The following APLF variants were observed in gnomAD, a reference collection of about 807,000 sequenced individuals.
The protein encoded by APLF is aprataxin and PNK-like factor.
In APLF, 61 loss-of-function variants were observed where a neutral mutation model predicts 55.6. That is an observed-to-expected ratio of 1.10 (90% confidence interval 0.89 to 1.36). APLF has a LOEUF of 1.36. Ranked by LOEUF, APLF falls within the 40% of genes most tolerant of loss-of-function variation. The probability of loss-of-function intolerance (pLI) is 0.00; values close to 1 mark genes in which losing one functional copy is unlikely to be tolerated. For missense variants in APLF, 611 were observed against 602.5 expected (o/e 1.01, Z -0.15); for synonymous variants, 207 against 214.8 (o/e 0.96, Z 0.32).
chr2:68,511,216 A>G (rs1677040010), intron 3 of APLF, among the ~76,000 whole-genome samples: 1 of 151,786 alleles, frequency 6.6e-6, no homozygotes, highest in Admixed American at 6.6e-5. Flanking sequence ...GGATAACTCA[A>G]TTACCTTTAC....
At chr2:68,479,926 C>T in intron 1 of APLF, among the ~76,000 whole-genome samples, 1 of 152,132 alleles carries the variant, frequency 6.6e-6, no homozygotes, top group East Asian at 1.9e-4. Context: ...TATGATGATC[C>T]ACTTCCATTT....
intron 5 of APLF, among the ~76,000 whole-genome samples, chr2:68,519,241 A>G: frequency 7.2e-6 from 1 of 139,750 alleles, no homozygotes; most frequent in South Asian, 2.1e-4. Context: ...TATATTATAT[A>G]TTATATATCA....
intron 8 of APLF, among the ~76,000 whole-genome samples, chr2:68,547,486 T>C (rs1670739606): frequency 6.6e-6 from 1 of 151,724 alleles, no homozygotes; most frequent in Admixed American, 6.6e-5. Flanking sequence ...TAAAGCAGTG[T>C]GGTATGGGCA....
rs377751152 is a variant in APLF, at chr2:68,502,762, C to T, written c.200C>T (p.Ser67Leu). The T allele has an allele frequency of 6.4e-6, 10 of 1,573,942 alleles. No individual in the cohort carries two copies. Among genetic ancestry groups the T allele is most frequent in the Admixed American group, 2.0e-5 (1 of 50,188 alleles). Residue 67 changes from serine to leucine, a missense_variant, in exon 3 of 10, where the codon TCA (serine) becomes TTA (leucine). Physicochemically the swap from Ser to Leu is moderately radical, Grantham distance 145. Transcript: ENST00000303795. ...ACAAATCCATGTTTTTACCAGTCTT[C>T]AGAGAAGAGTCAGCTCTTACCATTG... ...IHTNPCFYQS[S>L]EKSQLLPLKP...
At chr2:68,503,129 A>G (rs1377567548) in intron 3 of APLF, among the ~76,000 whole-genome samples, 1 of 152,124 alleles carries the variant, frequency 6.6e-6, no homozygotes, top group Non-Finnish European at 1.5e-5. Context: ...GAAACTTACT[A>G]TGCGTTGATA....
At chr2:68,469,977 A>G (rs189195993) in intron 1 of APLF, among the ~76,000 whole-genome samples, 50 of 152,354 alleles carry the variant, frequency 3.3e-4, no homozygotes, top group Admixed American at 1.4e-3. Flanking sequence ...GACAATGAGA[A>G]TGGTTTTGTA....
At chr2:68,525,742 CT>C (rs386390398) in intron 5 of APLF, among the ~76,000 whole-genome samples, 22,925 of 81,820 alleles carry the variant, frequency 0.28, 2,877 homozygotes, top group East Asian at 0.49. Flanking sequence ...TTCTTTCTTT[CT>C]TTTTTTTTTT....
rs149505316 is a variant in APLF, at chr2:68,538,011, C to G, written c.944C>G (p.Pro315Arg). 39 of 1,613,746 alleles carry G rather than the reference C, an allele frequency of 2.4e-5. No individual in the cohort carries two copies. The highest frequency in any genetic ancestry group is 3.3e-5 in the Non-Finnish European group (39 of 1,179,956). Residue 315 changes from proline (P) to arginine (R), a missense_variant, in exon 7 of 10, where the codon CCA becomes CGA. Transcript: ENST00000303795. ...CATAAAATTGCCACTAAAAGAACAC[C>G]ACATAAAGAAGATGAGGCAATGAGC... ...SKHKIATKRTPHKEDEAMSCS... is the reference protein window; with the variant it reads ...SKHKIATKRTRHKEDEAMSCS...
chr2:68,557,638 G>A, intron 8 of APLF, among the ~76,000 whole-genome samples: 1 of 152,158 alleles, frequency 6.6e-6, no homozygotes, highest in East Asian at 1.9e-4. Context: ...TTGGCTGGAC[G>A]TGGTGGCTCA....
At chr2:68,566,209 T>G (rs1381425245) in intron 8 of APLF, among the ~76,000 whole-genome samples, 2 of 152,098 alleles carry the variant, frequency 1.3e-5, no homozygotes, top group African/African-American at 2.4e-5. Flanking sequence ...ACTTGCCCTA[T>G]TGAAAAGAAA....
intron 2 of APLF, among the ~76,000 whole-genome samples, chr2:68,496,996 A>C (rs1395672242): frequency 6.6e-6 from 1 of 152,148 alleles, no homozygotes; most frequent in Non-Finnish European, 1.5e-5. Context: ...CCACACTTTT[A>C]CATATCTTCA....
chr2:68,510,515 A>AT (rs1361184134), intron 3 of APLF, among the ~76,000 whole-genome samples: 1 of 151,902 alleles, frequency 6.6e-6, no homozygotes, highest in Admixed American at 6.6e-5. Flanking sequence ...TATAATCAAA[A>AT]ATATAATAAC....
Position 68,528,675 on chromosome 2 carries a change from C to T in APLF, c.804+2433C>T, listed in dbSNP as rs918865910. ...CACAGGGAGCAGCCCGGAACTGGGG[C>T]AGGGAGCACTGTTGGAAGTGGGTCA... On this transcript the variant is annotated intron_variant, in intron 6 of 9. Coordinates refer to ENST00000303795, the MANE Select transcript of APLF (RefSeq NM_173545.3). 1.3e-5 allele frequency: 19 copies of T among 1,512,132 alleles called. No homozygotes were observed. In the African/African-American group the frequency reaches 1.6e-4, roughly 13 times the overall value. The allele number at this position is 1,512,132 out of a possible 1,614,324, so 93.7% of individuals were successfully genotyped here. A position where few individuals can be genotyped will look rare whatever the true frequency, so the allele number is the denominator to read the frequency against.
chr2:68,569,209 A>G (rs1297855210), intron 9 of APLF, among the ~76,000 whole-genome samples: 1 of 152,046 alleles, frequency 6.6e-6, no homozygotes, highest in Non-Finnish European at 1.5e-5. Flanking sequence ...CCGGCTCGTA[A>G]TTGTGGTTAT....
At chr2:68,513,406 A>C (rs1223243061) in intron 4 of APLF, 142 bp from the exon 5 acceptor site, 1 of 1,241,952 alleles carries the variant, frequency 8.1e-7, no homozygotes, top group African/African-American at 1.5e-5. Flanking sequence ...TAATAGAAAT[A>C]ATTTCTTTGT....
intron 8 of APLF, among the ~76,000 whole-genome samples, chr2:68,553,728 C>G (rs1343799181): frequency 1.3e-5 from 2 of 151,928 alleles, no homozygotes; most frequent in Non-Finnish European, 2.9e-5. Context: ...TGTGATAAGC[C>G]TGTTTTCCAT....
intron 8 of APLF, among the ~76,000 whole-genome samples, chr2:68,546,802 A>G (rs1173272154): frequency 6.6e-6 from 1 of 151,880 alleles, no homozygotes; most frequent in African/African-American, 2.4e-5. Context: ...CAAATATTAT[A>G]CTTAAAATAT....
At chr2:68,528,486 G>A (rs2103987915) in intron 6 of APLF, 1 of 1,534,012 alleles carries the variant, frequency 6.5e-7, no homozygotes, top group East Asian at 2.4e-5. Context: ...GGCCCCGACA[G>A]TTTTCTTTTG....
At chr2:68,518,091 T>C (rs1305972916) in intron 5 of APLF, among the ~76,000 whole-genome samples, 3 of 132,422 alleles carry the variant, frequency 2.3e-5, no homozygotes, top group Non-Finnish European at 4.6e-5. Context: ...AATATTAATA[T>C]ATATTAATAT....
Sources: allele counts gnomAD v4.1 joint callset (sites outside exome capture counted in the v4.1 genomes callset), GRCh38; gene constraint gnomAD v4.1.1; transcripts MANE v1.5; gene names NCBI Gene and HGNC (gene_info 2026-07-23, HGNC 2026-07-21).